SS18L1: variants seen among roughly 807,000 people sequenced by gnomAD.
The protein encoded by SS18L1 is SS18L1 subunit of BAF chromatin remodeling complex.
Under a neutral mutation model 70.3 loss-of-function variants are expected in SS18L1, and 32 were observed. That is an observed-to-expected ratio of 0.46 (90% CI 0.34 to 0.61). SS18L1 has a LOEUF of 0.61. SS18L1 is among the 20% of genes least tolerant of loss of function. SS18L1 has a pLI of 0.01. For missense variants in SS18L1, 430 were observed against 542.1 expected (o/e 0.79, Z 2.05); for synonymous variants, 237 against 229.7 (o/e 1.03, Z -0.29).
At position 62,179,232 on chromosome 20, in the gene SS18L1, C is replaced by A. The variant is rs373268527; in HGVS notation, c.*24C>A. 1.8e-5 allele frequency: 29 copies of A among 1,614,002 alleles called. No individual in the cohort carries two copies. In the African/African-American group the frequency reaches 2.3e-4, roughly 13 times the overall value. ...AAGGGACACACATTCTGGCTGGAGC[C>A]CTTGTGGTAGCGTGTTCATCCAGGG... is the stretch of plus-strand genomic sequence containing the variant. On this transcript the variant is annotated 3_prime_UTR_variant, in exon 11 of 11. Coordinates refer to ENST00000331758, the MANE Select transcript of SS18L1 (RefSeq NM_198935.3).
At chr20:62,155,309 C>T (rs769343330) in intron 1 of SS18L1, among the ~76,000 whole-genome samples, 3 of 152,020 alleles carry the variant, frequency 2.0e-5, no homozygotes, top group Middle Eastern at 3.2e-3. Flanking sequence ...GCTACTCGGG[C>T]GGTTGAGGTA....
At position 62,161,624 on chromosome 20, in the gene SS18L1, C is replaced by T. The variant is rs749773345; in HGVS notation, c.376+44C>T. 8 of 1,580,128 alleles carry T rather than the reference C, an allele frequency of 5.1e-6. No homozygotes were observed. The highest frequency in any genetic ancestry group is 6.9e-6 in the Non-Finnish European group (8 of 1,157,440). On this transcript the variant is annotated intron_variant, in intron 4 of 10. Transcript: ENST00000331758. This position sits in a 1 kb window ranked among gnomAD's most constrained non-coding sequence, Gnocchi z 4.4. The stretch of plus-strand genomic sequence containing the variant: ...GAGGACGTTCCTGGCTACGAGGCCA[C>T]CAAGGCAGCCCTTGGGCAGCCGGCT...
Position 62,181,992 on chromosome 20 carries a change from A to G in SS18L1, c.*2784A>G, listed in dbSNP as rs1051463550. 7 of 228,642 alleles carry G rather than the reference A, an allele frequency of 3.1e-5. No individual in the cohort carries two copies. Among genetic ancestry groups the G allele is most frequent in the Non-Finnish European group, 6.1e-5 (7 of 115,310 alleles). The allele number at this position is 228,642 out of a possible 1,614,324, so 14.2% of individuals were successfully genotyped here. On this transcript the variant is annotated 3_prime_UTR_variant, in exon 11 of 11. Transcript: ENST00000331758. ...TTTTCAGAAGTGCTGACAAATTCAT[A>G]TTGGTATGCAAAAGCTCATCACCCA...
intron 1 of SS18L1, chr20:62,154,548 C>G (rs932065744): frequency 1.7e-5 from 17 of 1,014,646 alleles, no homozygotes; most frequent in Non-Finnish European, 2.0e-5. Flanking sequence ...GGTCATCACA[C>G]CTCAGGGGGT....
chr20:62,166,506 G>C (rs369504199), intron 8 of SS18L1, among the ~76,000 whole-genome samples: 1 of 152,228 alleles, frequency 6.6e-6, no homozygotes, highest in East Asian at 1.9e-4. Flanking sequence ...AATAAAGCAC[G>C]CAAGTGTAGG....
At chr20:62,175,010 G>A in intron 10 of SS18L1, 3 of 831,066 alleles carry the variant, frequency 3.6e-6, no homozygotes, top group Non-Finnish European at 4.4e-6. Flanking sequence ...TCGCTACAGA[G>A]ACATAAGGTG....
chr20:62,150,614 A>G (rs899234331), intron 1 of SS18L1, among the ~76,000 whole-genome samples: 3 of 145,828 alleles, frequency 2.1e-5, no homozygotes, highest in Non-Finnish European at 4.5e-5. Flanking sequence ...TCTCCGGAGC[A>G]TAAGAAACAT....
intron 9 of SS18L1, among the ~76,000 whole-genome samples, chr20:62,173,813 C>T (rs917462785): frequency 4.0e-5 from 6 of 151,744 alleles, no homozygotes; most frequent in East Asian, 1.9e-4. Flanking sequence ...CCCAGGAGTT[C>T]GAGACCAGCC....
chr20:62,162,826 G>A lies in SS18L1; in HGVS notation c.451G>A (p.Gly151Ser), dbSNP rs200538093. The A allele has an allele frequency of 1.2e-4, 199 of 1,612,694 alleles. 1 individual carries two copies. The highest frequency in any genetic ancestry group is 8.8e-4 in the South Asian group (80 of 91,078). ...PTTSMSISGPGYSHAGPASQG... is the reference protein window; with the variant it reads ...PTTSMSISGPSYSHAGPASQG... ...CACCTCCATGAGCATCTCTGGGCCC[G>A]GCTACAGCCACGCGGGACCCGCCTC... is the stretch of plus-strand genomic sequence containing the variant. Residue 151 changes from glycine to serine, a missense_variant, in exon 5 of 11, where the codon GGC becomes AGC. Coordinates refer to ENST00000331758, the MANE Select transcript of SS18L1 (RefSeq NM_198935.3).
chr20:62,179,257 G>A lies in SS18L1; in HGVS notation c.*49G>A. 6.8e-6 allele frequency: 11 copies of A among 1,608,484 alleles called. No individual in the cohort carries two copies. Among genetic ancestry groups the A allele is most frequent in the South Asian group, 2.2e-5 (2 of 90,954 alleles). On this transcript the variant is annotated 3_prime_UTR_variant, in exon 11 of 11. Transcript: ENST00000331758. ...CCTTGTGGTAGCGTGTTCATCCAGG[G>A]GCCGGATGGGCTGGCGGCAGCTCTG...
chr20:62,154,279 A>C, intron 1 of SS18L1: 1 of 1,012,752 alleles, frequency 9.9e-7, no homozygotes, highest in African/African-American at 1.7e-5. Context: ...TGACTCTGAC[A>C]GTTTTTGAAG....
At chr20:62,178,081 A>G (rs1191488113) in intron 10 of SS18L1, among the ~76,000 whole-genome samples, 1 of 142,748 alleles carries the variant, frequency 7.0e-6, no homozygotes, top group Non-Finnish European at 1.5e-5. Flanking sequence ...GTGCATTGGC[A>G]GGAACATGGC....
intron 3 of SS18L1, among the ~76,000 whole-genome samples, chr20:62,160,693 C>T (rs1194603827): frequency 6.6e-6 from 1 of 152,216 alleles, no homozygotes; most frequent in Non-Finnish European, 1.5e-5. Flanking sequence ...GACGTATCTC[C>T]TAGTGACCCT....
intron 1 of SS18L1, among the ~76,000 whole-genome samples, chr20:62,149,571 G>T (rs933558916): frequency 6.6e-6 from 1 of 152,250 alleles, no homozygotes; most frequent in Non-Finnish European, 1.5e-5. Context: ...CGGGCCTCCT[G>T]GGCTCACATT....
In SS18L1 at chr20:62,146,605, A is replaced by ATTTTTTTTTTT. The variant is rs10673768; in HGVS notation, c.69+2727_69+2737dup. Among the ~76,000 whole-genome samples the ATTTTTTTTTTT allele has an allele frequency of 8.2e-4, 65 of 79,710 alleles. 5 individuals carry two copies. Among genetic ancestry groups the ATTTTTTTTTTT allele is most frequent in the South Asian group, 9.6e-4 (2 of 2,080 alleles). 52.3% of individuals were successfully genotyped at this position (79,710 alleles called of 152,430 possible). A position where few individuals can be genotyped will look rare whatever the true frequency, so the allele number is the denominator to read the frequency against. On this transcript the variant is annotated intron_variant, in intron 1 of 10. Transcript: ENST00000331758. The stretch of plus-strand genomic sequence containing the variant: ...CATCCAGCGTGTCTCTGCTTTGATC[A>ATTTTTTTTTTT]TTTTTTTTTTTTTTTTTTTTTGAGA...
intron 1 of SS18L1, among the ~76,000 whole-genome samples, chr20:62,151,492 G>A (rs932881555): frequency 6.6e-6 from 1 of 152,166 alleles, no homozygotes; most frequent in African/African-American, 2.4e-5. Flanking sequence ...AGACACGTTG[G>A]GGCCACCCCT....
chr20:62,163,377 C>T (rs1336317269), intron 5 of SS18L1, 81 bp from the exon 6 acceptor site: 75 of 1,492,842 alleles, frequency 5.0e-5, no homozygotes, highest in Middle Eastern at 4.8e-4. Flanking sequence ...GGAACCCGCC[C>T]GGGCGCAGGA....
intron 1 of SS18L1, 42 bp downstream of exon 1, chr20:62,143,931 G>C: frequency 1.0e-6 from 1 of 1,001,346 alleles, no homozygotes; most frequent in African/African-American, 1.8e-5. Context: ...GCGGGTCTGC[G>C]GGCGGGCGCG....
chr20:62,151,249 G>A (rs2057123885), intron 1 of SS18L1, among the ~76,000 whole-genome samples: 1 of 152,140 alleles, frequency 6.6e-6, no homozygotes, highest in Admixed American at 6.5e-5. Flanking sequence ...CGCCTACCCA[G>A]TTAGGACCCC....
Sources: allele counts gnomAD v4.1 joint callset (sites outside exome capture counted in the v4.1 genomes callset), GRCh38; gene constraint gnomAD v4.1.1; non-coding constraint Gnocchi (gnomAD v3.1); transcripts MANE v1.5; gene names NCBI Gene and HGNC (gene_info 2026-07-23, HGNC 2026-07-21).